The following CACNA2D2 variants were observed in gnomAD, a reference collection of about 807,000 sequenced individuals.
CACNA2D2 encodes the protein calcium voltage-gated channel auxiliary subunit alpha2delta 2.
A neutral mutation model predicts 166.4 loss-of-function variants in CACNA2D2; 48 were observed. That is an observed-to-expected ratio of 0.29 (90% confidence interval 0.23 to 0.37). The LOEUF (loss-of-function observed/expected upper bound fraction) is 0.37. Ranked by LOEUF, CACNA2D2 falls within the 10% of genes least tolerant of loss-of-function variation. The pLI is 1.00. For missense variants in CACNA2D2, 1,122 were observed against 1,433.0 expected, an observed-to-expected ratio of 0.78 and a Z score of 3.50; for synonymous variants, 561 against 573.7, an observed-to-expected ratio of 0.98 and a Z score of 0.32.
At chr3:50,504,078 G>A (rs920002004), upstream of CACNA2D2, 5 of 152,322 alleles carry the variant, frequency 3.3e-5, no homozygotes, top group African/African-American at 1.2e-4. Flanking sequence ...CAGCCCCCGT[G>A]GCTCTAGCTA....
chr3:50,387,492 T>C, intron 5 of CACNA2D2, 76 bp downstream of exon 5: 1 of 1,222,928 alleles, frequency 8.2e-7, no homozygotes, highest in Non-Finnish European at 1.2e-6. Flanking sequence ...TGTGTGGCGC[T>C]GAGTCCTAAC....
chr3:50,374,657 G>A (rs977432300), intron 22 of CACNA2D2, 80 bp downstream of exon 22: 62 of 1,493,362 alleles, frequency 4.2e-5, no homozygotes, highest in African/African-American at 5.6e-5. Context: ...GGCAAGCGGC[G>A]CTGGCTATGC....
At position 50,366,586 on chromosome 3, in the gene CACNA2D2, T is replaced by A; in HGVS notation, c.2629A>T (p.Asn877Tyr). 6.2e-7 allele frequency: 1 copy of A among 1,613,996 alleles called. No individual in the cohort carries two copies. Among genetic ancestry groups the A allele is most frequent in the Non-Finnish European group, 8.5e-7 (1 of 1,180,002 alleles). Residue 877 changes from asparagine (N) to tyrosine (Y), a missense_variant, in exon 30 of 38, where the codon AAC (asparagine) becomes TAC (tyrosine). Physicochemically the swap from Asn to Tyr is moderately radical, Grantham distance 143. Around this residue, in one of 2 missense-constraint regions of CACNA2D2, gnomAD observed 840 missense variants for 1,166.8 expected, o/e 0.72. Transcript: ENST00000424201. This position sits in a 1 kb window ranked among gnomAD's most constrained non-coding sequence, Gnocchi z 5.9. ...GTTCAGGGCACACACACCTCATTGTTAACCTCGCAGTCCATCTCACAGTGG... is the reference window on the plus strand; with the variant it reads ...GTTCAGGGCACACACACCTCATTGTAAACCTCGCAGTCCATCTCACAGTGG... ...NSHCEMDCEV[N>Y]NEDLLCVLID... is the part of the protein sequence containing the mutation.
chr3:50,413,264 G>A (rs1295283225), intron 3 of CACNA2D2, among the ~76,000 whole-genome samples: 1 of 151,946 alleles, frequency 6.6e-6, no homozygotes, highest in African/African-American at 2.4e-5. Context: ...GGTATCTGGT[G>A]CCTTGTCTCA....
intron 3 of CACNA2D2, among the ~76,000 whole-genome samples, chr3:50,412,688 A>AT (rs1380216008): frequency 2.6e-5 from 4 of 152,030 alleles, no homozygotes; most frequent in East Asian, 1.9e-4. Flanking sequence ...TTTCTATTTT[A>AT]TTTTTTTAGC....
chr3:50,474,181 G>A (rs1710214037), intron 2 of CACNA2D2, among the ~76,000 whole-genome samples: 1 of 152,228 alleles, frequency 6.6e-6, no homozygotes, highest in Non-Finnish European at 1.5e-5. Context: ...GGTGACTGCT[G>A]GGAGGGAGAG....
At chr3:50,487,850 C>T (rs1698356298) in intron 1 of CACNA2D2, among the ~76,000 whole-genome samples, 1 of 152,170 alleles carries the variant, frequency 6.6e-6, no homozygotes, top group South Asian at 2.1e-4. Context: ...CCTAGTCACT[C>T]ACTCACTCAT....
chr3:50,404,390 A>G (rs1404329032), intron 3 of CACNA2D2, among the ~76,000 whole-genome samples: 1 of 152,156 alleles, frequency 6.6e-6, no homozygotes, highest in Non-Finnish European at 1.5e-5. Context: ...CAGGTCAGTA[A>G]TAACATGGTT....
chr3:50,365,145 GAGA>G lies in CACNA2D2; in HGVS notation c.3135_3137del (p.Leu1046del). The G allele has an allele frequency of 1.2e-6, 2 of 1,612,184 alleles. No individual in the cohort carries two copies. The highest frequency in any genetic ancestry group is 2.2e-5 in the East Asian group (1 of 44,858). On this transcript the variant is annotated inframe_deletion, in exon 36 of 38. Transcript: ENST00000424201. The surrounding 1 kb of genome is among the most constrained non-coding windows in gnomAD (Gnocchi z 4.5). ...ACAGCGGCTTCTCGGCCACCACAAA[GAGA>G]AGATTGGTGTTGGTCAGTCTCTGCG...
chr3:50,384,548 T>C (rs1705496504), intron 5 of CACNA2D2, among the ~76,000 whole-genome samples: 1 of 152,068 alleles, frequency 6.6e-6, no homozygotes, highest in Admixed American at 6.5e-5. Context: ...GTGACTCCCA[T>C]CTCCCCCTGC....
chr3:50,381,929 C>A (rs1236856138), intron 6 of CACNA2D2, among the ~76,000 whole-genome samples: 1 of 151,654 alleles, frequency 6.6e-6, no homozygotes, highest in African/African-American at 2.4e-5. Context: ...ATTCTCCCTT[C>A]CCCCCAACCC....
chr3:50,487,537 C>T (rs1698340357), intron 1 of CACNA2D2, among the ~76,000 whole-genome samples: 1 of 152,194 alleles, frequency 6.6e-6, no homozygotes, highest in Non-Finnish European at 1.5e-5. Context: ...GAGTGTTCAA[C>T]CTGCCTTGAC....
intron 1 of CACNA2D2, among the ~76,000 whole-genome samples, chr3:50,498,757 C>G (rs930304043): frequency 6.6e-6 from 1 of 152,218 alleles, no homozygotes; most frequent in Non-Finnish European, 1.5e-5. Flanking sequence ...GCCCAGCTCT[C>G]ATATCCTAGG....
At chr3:50,466,119 A>G (rs772594906) in intron 2 of CACNA2D2, among the ~76,000 whole-genome samples, 27 of 152,132 alleles carry the variant, frequency 1.8e-4, no homozygotes, top group Non-Finnish European at 2.9e-4. Context: ...CACAAGGCCT[A>G]TGATCTCCAC....
At chr3:50,374,861 C>T (rs762674179) in intron 21 of CACNA2D2, 48 bp from the exon 22 acceptor site, 2 of 1,427,144 alleles carry the variant, frequency 1.4e-6, no homozygotes, top group South Asian at 1.2e-5. Flanking sequence ...GCGGGCCACA[C>T]TGGCACCCCC....
chr3:50,367,140 G>A lies in CACNA2D2; in HGVS notation c.2402-31C>T. Reference sequence around the variant, plus strand: ...GGTTGGGTGGGGAAGTCAGGAGTGGGGTCTGGCGGCCACACTGACCACTCT... The same window carrying A: ...GGTTGGGTGGGGAAGTCAGGAGTGGAGTCTGGCGGCCACACTGACCACTCT... On this transcript the variant is annotated intron_variant, in intron 27 of 37. Transcript: ENST00000424201. The surrounding 1 kb of genome is among the most constrained non-coding windows in gnomAD (Gnocchi z 6.5). The A allele has an allele frequency of 1.3e-6, 2 of 1,550,800 alleles. No homozygotes were observed. The highest frequency in any genetic ancestry group is 1.7e-5 in the Admixed American group (1 of 58,904).
intron 2 of CACNA2D2, among the ~76,000 whole-genome samples, chr3:50,439,775 G>A (rs1205025407): frequency 6.6e-6 from 1 of 152,208 alleles, no homozygotes; most frequent in Admixed American, 6.5e-5. Context: ...TCATGTCAGG[G>A]ATGTTGGGTG....
chr3:50,493,209 G>A (rs1360959568), intron 1 of CACNA2D2, among the ~76,000 whole-genome samples: 2 of 152,268 alleles, frequency 1.3e-5, no homozygotes, highest in East Asian at 1.9e-4. Flanking sequence ...GCCTTCTGCA[G>A]AATCTCCACC....
chr3:50,393,067 T>C (rs766271415), intron 4 of CACNA2D2, among the ~76,000 whole-genome samples: 1 of 152,124 alleles, frequency 6.6e-6, no homozygotes, highest in Non-Finnish European at 1.5e-5. Flanking sequence ...ATTTAGGGCT[T>C]GGAGCATAGG....
Sources: allele counts gnomAD v4.1 joint callset (sites outside exome capture counted in the v4.1 genomes callset), GRCh38; gene constraint gnomAD v4.1.1; regional missense constraint gnomAD v4.1.1; non-coding constraint Gnocchi (gnomAD v3.1); transcripts MANE v1.5; gene names NCBI Gene and HGNC (gene_info 2026-07-23, HGNC 2026-07-21).